The following COL28A1 variants were observed in gnomAD, a reference collection of about 807,000 sequenced individuals.
COL28A1 encodes the protein collagen alpha-1(XXVIII) chain.
A neutral mutation model predicts 150.2 loss-of-function variants in COL28A1; 161 were observed. That is an observed-to-expected ratio of 1.07 (90% CI 0.94 to 1.22). The LOEUF (loss-of-function observed/expected upper bound fraction) is 1.22. Ranked by LOEUF, COL28A1 falls within the 50% of genes most tolerant of loss-of-function variation. COL28A1 has a pLI of 0.00. For missense variants in COL28A1, 1,617 were observed against 1,388.3 expected, an observed-to-expected ratio of 1.16 and a Z score of -2.62; for synonymous variants, 552 against 469.7, an observed-to-expected ratio of 1.18 and a Z score of -2.26.
chr7:7,340,163 T>A, the COL28A1 span, among the ~76,000 whole-genome samples: 102,039 of 151,584 alleles, frequency 0.67, 35,898 homozygotes, highest in East Asian at 0.88. Flanking sequence ...GCTAATTTTT[T>A]GTATTTTTAG....
chr7:7,481,414 A>G (rs1350469817), intron 13 of COL28A1, among the ~76,000 whole-genome samples: 2 of 152,222 alleles, frequency 1.3e-5, no homozygotes, highest in Non-Finnish European at 2.9e-5. Context: ...TTAGCCAGAG[A>G]AGAGAAGTAG....
chr7:7,462,861 CA>C (rs3040227), intron 15 of COL28A1, among the ~76,000 whole-genome samples: 5,923 of 113,824 alleles, frequency 0.052, 381 homozygotes, highest in African/African-American at 0.15. Context: ...AACTCCATCT[CA>C]AAAAAAAAAA....
intron 27 of COL28A1, among the ~76,000 whole-genome samples, chr7:7,397,745 A>C (rs996295630): frequency 1.3e-5 from 2 of 152,226 alleles, no homozygotes; most frequent in Admixed American, 6.5e-5. Flanking sequence ...GGAATGTTTA[A>C]GACATGTGGT....
At chr7:7,423,124 GT>G (rs1040666704) in intron 25 of COL28A1, among the ~76,000 whole-genome samples, 2 of 152,212 alleles carry the variant, frequency 1.3e-5, no homozygotes, top group African/African-American at 4.8e-5. Flanking sequence ...TTGTAGTCAA[GT>G]TTTTAAAAAG....
intron 18 of COL28A1, among the ~76,000 whole-genome samples, chr7:7,446,044 G>T (rs1786236885): frequency 6.6e-6 from 1 of 152,034 alleles, no homozygotes; most frequent in Non-Finnish European, 1.5e-5. Flanking sequence ...TTTCAGTAGA[G>T]ACGGGCTTTC....
chr7:7,519,311 A>G (rs1178794469), intron 6 of COL28A1, among the ~76,000 whole-genome samples: 1 of 152,194 alleles, frequency 6.6e-6, no homozygotes, highest in Non-Finnish European at 1.5e-5. Flanking sequence ...GCCCCCTATG[A>G]TTTAATTACC....
intron 25 of COL28A1, among the ~76,000 whole-genome samples, chr7:7,427,469 T>C (rs1784708241): frequency 6.6e-6 from 1 of 152,220 alleles, no homozygotes; most frequent in African/African-American, 2.4e-5. Flanking sequence ...ATGGAGTTCC[T>C]TGTCCAGTCT....
intron 4 of COL28A1, among the ~76,000 whole-genome samples, chr7:7,522,302 A>G (rs1781770202): frequency 6.6e-6 from 1 of 152,188 alleles, no homozygotes; most frequent in Non-Finnish European, 1.5e-5. Flanking sequence ...GAGAAAATAA[A>G]TATTTTCAGT....
At chr7:7,543,717 G>A in the COL28A1 span, among the ~76,000 whole-genome samples, 1 of 151,886 alleles carries the variant, frequency 6.6e-6, no homozygotes, top group African/African-American at 2.4e-5. Context: ...AGGAAGTAAT[G>A]AGTTTTGAGT....
At chr7:7,442,872 T>C (rs1785920253) in intron 20 of COL28A1, among the ~76,000 whole-genome samples, 1 of 144,926 alleles carries the variant, frequency 6.9e-6, no homozygotes, top group African/African-American at 2.8e-5. Context: ...CCATCTCTAC[T>C]AAAAATACAA....
chr7:7,442,392 C>A (rs941253690), intron 20 of COL28A1, among the ~76,000 whole-genome samples: 1 of 152,096 alleles, frequency 6.6e-6, no homozygotes, highest in African/African-American at 2.4e-5. Flanking sequence ...ACTCCAAGCG[C>A]CTATTTTCCA....
At chr7:7,475,650 A>ATT (rs975720260) in intron 14 of COL28A1, among the ~76,000 whole-genome samples, 13 of 152,276 alleles carry the variant, frequency 8.5e-5, no homozygotes, top group African/African-American at 2.9e-4. Flanking sequence ...TTCATTTCTC[A>ATT]TTTATTTCTT....
At position 7,371,151 on chromosome 7, in the gene COL28A1, G is replaced by A. The variant is rs116155808; in HGVS notation, c.2909-269C>T. On this transcript the variant is annotated intron_variant, in intron 32 of 34. Transcript: ENST00000399429. The stretch of plus-strand genomic sequence containing the variant: ...CAACGTGAATCACTCCTTGTCAAGA[G>A]CTAGCCTCACCCATAATAAGTTGAA... Among the ~76,000 whole-genome samples the A allele has an allele frequency of 3.3e-3, 501 of 152,302 alleles. 4 individuals carry two copies. The highest frequency in any genetic ancestry group is 0.011 in the African/African-American group (448 of 41,562).
chr7:7,404,710 A>G (rs765181590), intron 27 of COL28A1, among the ~76,000 whole-genome samples: 62 of 152,078 alleles, frequency 4.1e-4, no homozygotes, highest in Admixed American at 1.2e-3. Context: ...TTGATTTGCC[A>G]TAGCAGTTTT....
chr7:7,452,600 T>C (rs1189806351), intron 17 of COL28A1, among the ~76,000 whole-genome samples: 2 of 152,230 alleles, frequency 1.3e-5, no homozygotes, highest in African/African-American at 4.8e-5. Context: ...GTATATATGG[T>C]CTGACTTAAA....
intron 3 of COL28A1, among the ~76,000 whole-genome samples, chr7:7,527,561 A>C (rs1583576065): frequency 6.6e-6 from 1 of 152,192 alleles, no homozygotes; most frequent in Non-Finnish European, 1.5e-5. Context: ...GAGGGCTTGC[A>C]CTCAGGCAGG....
the COL28A1 span, among the ~76,000 whole-genome samples, chr7:7,347,686 A>C: frequency 1.1e-4 from 17 of 152,092 alleles, no homozygotes; most frequent in African/African-American, 4.1e-4. Flanking sequence ...ATTTTAACTA[A>C]ATCTTATATA....
intron 22 of COL28A1, 129 bp from the exon 23 acceptor site, chr7:7,436,592 T>G (rs1785361130): frequency 1.5e-6 from 1 of 666,730 alleles, no homozygotes; most frequent in African/African-American, 1.8e-5. Flanking sequence ...AGATAGTATA[T>G]TCTTCAAACA....
chr7:7,474,628 TA>T lies in COL28A1; in HGVS notation c.1274del (p.Leu425TyrfsTer13). ...GSEGPTGPQG[L>X]QGLSIKGEKG... ...TCTCCCCTTTGATTGACAGGCCTTGTAATCCCTGTGGGCCAGTTGGTCCTTC... is the reference window on the plus strand; with the variant it reads ...TCTCCCCTTTGATTGACAGGCCTTGTATCCCTGTGGGCCAGTTGGTCCTTC... On this transcript the variant is annotated frameshift_variant, in exon 15 of 35. Coordinates refer to ENST00000399429, the MANE Select transcript of COL28A1 (RefSeq NM_001037763.3). LOFTEE classifies it high-confidence loss of function. 3 of 1,400,148 alleles carry T rather than the reference TA, an allele frequency of 2.1e-6. No homozygotes were observed. Among genetic ancestry groups the T allele is most frequent in the Non-Finnish European group, 2.0e-6 (2 of 985,148 alleles). 86.7% of individuals were successfully genotyped at this position (1,400,148 alleles called of 1,614,324 possible). A position where few individuals can be genotyped will look rare whatever the true frequency, so the allele number is the denominator to read the frequency against.
Sources: gnomAD v4.1 joint callset for allele counts (sites outside exome capture counted in the v4.1 genomes callset) on GRCh38, gnomAD v4.1.1 for gene constraint, MANE v1.5 for transcripts, NCBI Gene and HGNC (gene_info 2026-07-23, HGNC 2026-07-21) for gene names.